Variants in ULK4 observed in about 807,000 individuals in gnomAD.
ULK4 encodes unc-51 like kinase 4.
A neutral mutation model predicts 160.6 loss-of-function variants in ULK4; 133 were observed. The ratio of observed to expected loss-of-function variants is 0.83; its 90% confidence interval spans 0.72 to 0.96. The LOEUF (loss-of-function observed/expected upper bound fraction) is 0.96. Ranked by LOEUF, ULK4 falls within the 40% of genes least tolerant of loss-of-function variation. ULK4 has a pLI of 0.00. For synonymous variants in ULK4, 534 were observed against 539.8 expected, an observed-to-expected ratio of 0.99 and a Z score of 0.15; for missense variants, 1,580 against 1,499.5, an observed-to-expected ratio of 1.05 and a Z score of -0.89.
chr3:41,706,900 T>TATATAGAGAG (rs369390361), intron 25 of ULK4, among the ~76,000 whole-genome samples: 48 of 136,428 alleles, frequency 3.5e-4, no homozygotes, highest in African/African-American at 1.4e-3. Context: ...TATATATATA[T>TATATAGAGAG]AGAGAGAGAG....
At position 41,246,644 on chromosome 3, in the gene ULK4, T is replaced by A; in HGVS notation, c.*285A>T. 1 of 396,422 alleles carries A rather than the reference T, an allele frequency of 2.5e-6. No individual in the cohort carries two copies. Among genetic ancestry groups the A allele is most frequent in the African/African-American group, 2.0e-5 (1 of 50,060 alleles). 24.6% of individuals were successfully genotyped at this position (396,422 alleles called of 1,614,324 possible). ...TTATTACCACAGGCAGTGCTAACCT[T>A]AGCCCACCTGGCCCACACAGAGAGG... On this transcript the variant is annotated 3_prime_UTR_variant, in exon 37 of 37. Coordinates refer to ENST00000301831, the MANE Select transcript of ULK4 (RefSeq NM_017886.4).
intron 5 of ULK4, among the ~76,000 whole-genome samples, chr3:41,923,315 A>G (rs1031876459): frequency 1.3e-5 from 2 of 152,218 alleles, no homozygotes; most frequent in South Asian, 2.1e-4. Context: ...CCTGGCCAAC[A>G]TGGTGAAACC....
At chr3:41,840,609 C>T (rs9810731) in intron 17 of ULK4, among the ~76,000 whole-genome samples, 27,769 of 152,242 alleles carry the variant, frequency 0.18, 2,613 homozygotes, top group Middle Eastern at 0.32. Flanking sequence ...CTCCTGACCT[C>T]GAGTGGTCTG....
At chr3:41,918,914 T>C (rs1345340105) in intron 6 of ULK4, among the ~76,000 whole-genome samples, 1 of 152,142 alleles carries the variant, frequency 6.6e-6, no homozygotes, top group East Asian at 1.9e-4. Context: ...CTATCACCAA[T>C]AATTCTAATC....
intron 31 of ULK4, among the ~76,000 whole-genome samples, chr3:41,586,138 C>T (rs2030780881): frequency 6.6e-6 from 1 of 152,142 alleles, no homozygotes; most frequent in African/African-American, 2.4e-5. Context: ...CTAGCAATCA[C>T]ACTTCTGGGT....
intron 31 of ULK4, among the ~76,000 whole-genome samples, chr3:41,568,353 G>A (rs553123666): frequency 1.4e-4 from 21 of 152,272 alleles, no homozygotes; most frequent in Non-Finnish European, 2.8e-4. Context: ...TGACATCTGA[G>A]CAAAGATTTA....
chr3:41,918,326 T>C, intron 7 of ULK4, 131 bp downstream of exon 7: 1 of 544,310 alleles, frequency 1.8e-6, no homozygotes, highest in East Asian at 3.4e-5. Flanking sequence ...TTTCTAAAAA[T>C]ATCAACTTGG....
At chr3:41,881,777 T>A (rs1697531536) in intron 17 of ULK4, among the ~76,000 whole-genome samples, 1 of 152,044 alleles carries the variant, frequency 6.6e-6, no homozygotes, top group East Asian at 1.9e-4. Context: ...AAGAGAACAG[T>A]ACTGGAATAA....
At chr3:41,279,255 T>TAAAAAAACAAAAAAAA (rs2079296934) in intron 35 of ULK4, among the ~76,000 whole-genome samples, 1 of 43,074 alleles carries the variant, frequency 2.3e-5, no homozygotes. Context: ...AAAAAAAGAG[T>TAAAAAAACAAAAAAAA]AAAAAAAAAA....
intron 31 of ULK4, among the ~76,000 whole-genome samples, chr3:41,595,620 G>A (rs2031640577): frequency 6.6e-6 from 1 of 152,160 alleles, no homozygotes; most frequent in Non-Finnish European, 1.5e-5. Flanking sequence ...CTAGGGAGGT[G>A]GGAGGGAAAC....
chr3:41,323,716 A>G (rs1477865810), intron 35 of ULK4, among the ~76,000 whole-genome samples: 1 of 152,058 alleles, frequency 6.6e-6, no homozygotes. Flanking sequence ...ACGAGTGCTT[A>G]CAGATGGAGT....
rs191981192 is a variant in ULK4 at position 41,566,042 on chromosome 3, T to G, written c.3209A>C (p.Glu1070Ala). 1.5e-5 allele frequency: 24 copies of G among 1,613,750 alleles called. No homozygotes were observed. The Admixed American group carries it at 2.5e-4, about 17-fold the overall frequency. ...NLVACKDSNM[E>A]LLYEQGLVSH... ...GCATTTACCTTGTTCATAAAGTAGT[T>G]CCATATTCGAATCTTTGCAGGCAAC... Residue 1070 changes from glutamate (E) to alanine (A), a missense_variant, in exon 32 of 37, where the codon GAA (glutamate) becomes GCA (alanine). Glu to Ala is a moderately radical substitution (Grantham distance 107, BLOSUM62 -1). Coordinates refer to ENST00000301831, the MANE Select transcript of ULK4 (RefSeq NM_017886.4).
Position 41,775,009 on chromosome 3 carries a change from G to C in ULK4, c.2193+14652C>G, listed in dbSNP as rs182170926. 2.5e-3 allele frequency among the ~76,000 whole-genome samples: 363 copies of C among 146,896 alleles called. 5 individuals carry two copies. Among genetic ancestry groups the C allele is most frequent in the Non-Finnish European group, 1.7e-3 (116 of 67,636 alleles). ...ACACCGCATGTTCTCACTCATAGGT[G>C]GGAATTGAACAATGGGAACACATGG... is the stretch of plus-strand genomic sequence containing the variant. On this transcript the variant is annotated intron_variant, in intron 21 of 36. Transcript: ENST00000301831.
intron 35 of ULK4, among the ~76,000 whole-genome samples, chr3:41,265,743 G>A (rs982974843): frequency 1.1e-4 from 17 of 152,182 alleles, no homozygotes; most frequent in African/African-American, 3.9e-4. Flanking sequence ...CCTAAGGCAG[G>A]GCCACAGCTT....
intron 30 of ULK4, among the ~76,000 whole-genome samples, chr3:41,642,533 G>A (rs1474392679): frequency 6.6e-6 from 1 of 152,090 alleles, no homozygotes; most frequent in Admixed American, 6.5e-5. Flanking sequence ...CATTTTTTAT[G>A]GCTGCACAGT....
intron 33 of ULK4, among the ~76,000 whole-genome samples, chr3:41,462,319 C>T (rs1055285847): frequency 1.3e-5 from 2 of 152,140 alleles, no homozygotes; most frequent in Admixed American, 6.5e-5. Flanking sequence ...AGCTTGGATG[C>T]CATCATTTGA....
chr3:41,437,561 G>C (rs2083064389), intron 34 of ULK4, among the ~76,000 whole-genome samples: 1 of 152,090 alleles, frequency 6.6e-6, no homozygotes, highest in African/African-American at 2.4e-5. Flanking sequence ...GGATATCTTG[G>C]TCCCCAGAGA....
At chr3:41,825,721 C>G (rs569552600) in intron 18 of ULK4, among the ~76,000 whole-genome samples, 2 of 152,172 alleles carry the variant, frequency 1.3e-5, no homozygotes, top group Non-Finnish European at 2.9e-5. Flanking sequence ...TGGAACCAAG[C>G]TGGAAAACAC....
chr3:41,727,071 T>A (rs1158811830), intron 22 of ULK4, among the ~76,000 whole-genome samples: 3 of 152,164 alleles, frequency 2.0e-5, no homozygotes, highest in Non-Finnish European at 4.4e-5. Context: ...GACCACAATT[T>A]TCTTACTCTC....
Sources: gnomAD v4.1 joint callset for allele counts (sites outside exome capture counted in the v4.1 genomes callset) on GRCh38, gnomAD v4.1.1 for gene constraint, MANE v1.5 for transcripts, NCBI Gene and HGNC (gene_info 2026-07-23, HGNC 2026-07-21) for gene names.